Variants in ANK1 observed in about 807,000 individuals in gnomAD.
The protein encoded by ANK1 is ankyrin 1, also known as ankyrin-1.
A neutral mutation model predicts 210.4 loss-of-function variants in ANK1; 51 were observed. The ratio of observed to expected loss-of-function variants is 0.24; its 90% confidence interval spans 0.19 to 0.31. ANK1 has a LOEUF of 0.31. ANK1 is among the 10% of genes least tolerant of loss of function. ANK1 has a pLI of 1.00. For synonymous variants in ANK1, 967 were observed against 1,025.9 expected, an observed-to-expected ratio of 0.94 and a Z score of 1.10; for missense variants, 2,051 against 2,504.4, an observed-to-expected ratio of 0.82 and a Z score of 3.86.
intron 1 of ANK1, among the ~76,000 whole-genome samples, chr8:41,881,048 G>A (rs1817494732): frequency 6.6e-6 from 1 of 152,254 alleles, no homozygotes; most frequent in Admixed American, 6.5e-5. Flanking sequence ...TGGGCCTGGA[G>A]ATCTGGTTCT....
At chr8:41,857,732 C>T (rs1812470257) in intron 1 of ANK1, among the ~76,000 whole-genome samples, 1 of 146,202 alleles carries the variant, frequency 6.8e-6, no homozygotes, top group Admixed American at 6.7e-5. Flanking sequence ...GAGCAAAACT[C>T]CATCTCAGAA....
intron 1 of ANK1, among the ~76,000 whole-genome samples, chr8:41,892,481 G>A (rs911367129): frequency 2.0e-5 from 3 of 152,140 alleles, no homozygotes; most frequent in Non-Finnish European, 2.9e-5. Flanking sequence ...GTGAGTGCCT[G>A]GCTCCTTGGG....
chr8:41,710,678 C>A (rs1259710835), intron 16 of ANK1, among the ~76,000 whole-genome samples: 1 of 152,236 alleles, frequency 6.6e-6, no homozygotes, highest in Non-Finnish European at 1.5e-5. Context: ...GGCTGCCCAA[C>A]GTGGGATCTG....
At chr8:41,789,975 A>C (rs7000282) in intron 1 of ANK1, among the ~76,000 whole-genome samples, 119,678 of 152,006 alleles carry the variant, frequency 0.79, 47,947 homozygotes, top group African/African-American at 0.86. Context: ...CCTGGGCTGA[A>C]CCTGTCGCCA....
chr8:41,826,527 C>T (rs985863293), intron 1 of ANK1, among the ~76,000 whole-genome samples: 1 of 152,128 alleles, frequency 6.6e-6, no homozygotes, highest in Non-Finnish European at 1.5e-5. Flanking sequence ...GTGTGCTGAG[C>T]GTCCCACCGT....
In ANK1 at chr8:41,676,900, C is replaced by T. The variant is rs115433478; in HGVS notation, c.4538-3988G>A. On this transcript the variant is annotated intron_variant, in intron 37 of 42. Coordinates refer to ENST00000289734, the MANE Select transcript of ANK1 (RefSeq NM_000037.4). ...CATAAACTTAATTGAGAAGTATTTT[C>T]TCATTTTCAATTTTCTAAACAAGTT... Among the ~76,000 whole-genome samples the T allele has an allele frequency of 4.4e-3, 677 of 152,262 alleles. 6 individuals carry two copies. Among genetic ancestry groups the T allele is most frequent in the African/African-American group, 0.016 (651 of 41,560 alleles).
intron 22 of ANK1, 60 bp from the exon 23 acceptor site, chr8:41,699,608 T>TA: frequency 6.6e-7 from 1 of 1,526,264 alleles, no homozygotes; most frequent in Non-Finnish European, 9.1e-7. Context: ...CCTCTTTTTT[T>TA]AAAAAAGCTC....
chr8:41,808,639 T>C (rs1819952), intron 1 of ANK1, among the ~76,000 whole-genome samples: 119,105 of 151,934 alleles, frequency 0.78, 47,812 homozygotes, highest in African/African-American at 0.9. Context: ...GCACTCCAGC[T>C]TGGGTGACAG....
chr8:41,680,565 C>CAA (rs3063741), intron 37 of ANK1, among the ~76,000 whole-genome samples: 1 of 123,572 alleles, frequency 8.1e-6, no homozygotes, highest in Non-Finnish European at 1.7e-5. Flanking sequence ...AACTCTATCT[C>CAA]AAAAAAAAAA....
intron 1 of ANK1, among the ~76,000 whole-genome samples, chr8:41,813,192 G>T (rs1213229897): frequency 6.6e-6 from 1 of 152,220 alleles, no homozygotes; most frequent in Non-Finnish European, 1.5e-5. Flanking sequence ...GATCTAAGTG[G>T]CCCACAGGGC....
At chr8:41,701,684 C>T in intron 21 of ANK1, 62 bp from the exon 22 acceptor site, 1 of 1,521,220 alleles carries the variant, frequency 6.6e-7, no homozygotes. Context: ...TTTTACCAGC[C>T]CAGCGGTTCC....
At chr8:41,728,051 C>T (rs1831176014) in intron 3 of ANK1, 45 bp from the exon 4 acceptor site, 1 of 1,598,204 alleles carries the variant, frequency 6.3e-7, no homozygotes, top group African/African-American at 1.3e-5. Flanking sequence ...TCCCACTGGG[C>T]CCGCTACGGG....
At chr8:41,666,961 C>A (rs1188102733) in intron 39 of ANK1, among the ~76,000 whole-genome samples, 1 of 152,174 alleles carries the variant, frequency 6.6e-6, no homozygotes, top group Non-Finnish European at 1.5e-5. Flanking sequence ...GAAGGCCCTT[C>A]CAGTTCCCCT....
chr8:41,675,421 C>T (rs941879900), intron 37 of ANK1, among the ~76,000 whole-genome samples: 2 of 152,176 alleles, frequency 1.3e-5, no homozygotes, highest in Non-Finnish European at 2.9e-5. Context: ...TAGTGCAAAA[C>T]ATATCTAACA....
rs376877498 is a variant in ANK1, at chr8:41,684,660, A to G, written c.4421T>C (p.Ile1474Thr). 4.3e-6 allele frequency: 7 copies of G among 1,613,748 alleles called. No individual in the cohort carries two copies. The African/African-American group carries it at 5.3e-5, about 12-fold the overall frequency. Residue 1474 changes from isoleucine to threonine, a missense_variant, in exon 37 of 43, where the codon ATT (isoleucine) becomes ACT (threonine). Physicochemically the swap from Ile to Thr is moderately conservative, Grantham distance 89. Coordinates refer to ENST00000289734, the MANE Select transcript of ANK1 (RefSeq NM_000037.4). ...MENLYTALQS[I>T]DRGEIVNMLE... is the part of the protein sequence containing the mutation. ...CATGTTCACGATCTCGCCACGGTCA[A>G]TGCTCTGCAGGGCTGTGTACAGATT...
intron 2 of ANK1, among the ~76,000 whole-genome samples, chr8:41,751,386 G>A (rs920134242): frequency 1.3e-5 from 2 of 152,190 alleles, no homozygotes; most frequent in Non-Finnish European, 2.9e-5. Flanking sequence ...AGACCTGCTC[G>A]ATGTTACCAA....
At chr8:41,705,760 G>A (rs1025735051) in intron 18 of ANK1, among the ~76,000 whole-genome samples, 11 of 152,156 alleles carry the variant, frequency 7.2e-5, no homozygotes, top group East Asian at 1.9e-4. Flanking sequence ...ATAGCTCCTT[G>A]CACACACCAG....
rs187881922 is a variant in ANK1, at chr8:41,794,145, C to G, written c.27+3367G>C. Reference sequence around the variant, plus strand: ...GCAGAAGTCAGATGGTGCCATTTGCCTCATACAAATACTATCTAATGCTTC... The same window carrying G: ...GCAGAAGTCAGATGGTGCCATTTGCGTCATACAAATACTATCTAATGCTTC... On this transcript the variant is annotated intron_variant, in intron 1 of 42. Coordinates refer to ENST00000289734, the MANE Select transcript of ANK1 (RefSeq NM_000037.4). Among the ~76,000 whole-genome samples the G allele has an allele frequency of 1.7e-3, 255 of 152,276 alleles. 3 individuals are homozygous for G. The highest frequency in any genetic ancestry group is 6.0e-3 in the African/African-American group (248 of 41,544).
At chr8:41,748,831 CAA>C (rs1836860216) in intron 2 of ANK1, among the ~76,000 whole-genome samples, 1 of 152,178 alleles carries the variant, frequency 6.6e-6, no homozygotes, top group African/African-American at 2.4e-5. Flanking sequence ...GTCAGGAGAT[CAA>C]GACCATCCCA....
Sources: gnomAD v4.1 joint callset for allele counts (sites outside exome capture counted in the v4.1 genomes callset) on GRCh38, gnomAD v4.1.1 for gene constraint, MANE v1.5 for transcripts, NCBI Gene and HGNC (gene_info 2026-07-23, HGNC 2026-07-21) for gene names.